CNTN3: variants seen among roughly 807,000 people sequenced by gnomAD.
The protein encoded by CNTN3 is contactin-3.
Under a neutral mutation model 119.1 loss-of-function variants are expected in CNTN3, and 60 were observed. That is an observed-to-expected ratio of 0.50 (90% confidence interval 0.41 to 0.62). CNTN3 has a LOEUF of 0.62. Among genes scored for constraint, CNTN3 ranks in the 20% least tolerant of loss-of-function variants. CNTN3 has a pLI of 0.00. For synonymous variants in CNTN3, 450 were observed against 438.7 expected (o/e 1.03, Z -0.32); for missense variants, 1,101 against 1,242.4 (o/e 0.89, Z 1.71).
rs897276516 is a variant in CNTN3, at chr3:74,595,213, G to A, written c.-81+19178C>T. Among the ~76,000 whole-genome samples the A allele has an allele frequency of 2.6e-5, 4 of 151,656 alleles. No individual in the cohort carries two copies. The South Asian group carries it at 6.3e-4, about 24-fold the overall frequency. On this transcript the variant is annotated intron_variant, in intron 1 of 22. Coordinates refer to ENST00000263665, the MANE Select transcript of CNTN3 (RefSeq NM_020872.3). ...TATTAGCCCTTTGTCAGATGAGTAGGTTGCAAAAATTTTCTCCCATTTTGT... is the reference window on the plus strand; with the variant it reads ...TATTAGCCCTTTGTCAGATGAGTAGATTGCAAAAATTTTCTCCCATTTTGT...
At chr3:74,448,744 T>C (rs1702092980) in intron 4 of CNTN3, among the ~76,000 whole-genome samples, 1 of 152,168 alleles carries the variant, frequency 6.6e-6, no homozygotes, top group African/African-American at 2.4e-5. Flanking sequence ...TTTATGGCTA[T>C]GTTTAATAAA....
At chr3:74,436,462 A>G (rs529442380) in intron 4 of CNTN3, among the ~76,000 whole-genome samples, 20 of 152,270 alleles carry the variant, frequency 1.3e-4, no homozygotes, top group Admixed American at 1.3e-3. Context: ...CAGGGCAAAC[A>G]GAATGCTTGT....
intron 3 of CNTN3, among the ~76,000 whole-genome samples, chr3:74,493,354 T>C (rs147117449): frequency 1.3e-5 from 2 of 152,162 alleles, no homozygotes; most frequent in Non-Finnish European, 2.9e-5. Context: ...AAACCCCAAA[T>C]AGAATTCACC....
At chr3:74,374,843 G>C (rs1309505591) in intron 5 of CNTN3, among the ~76,000 whole-genome samples, 1 of 152,108 alleles carries the variant, frequency 6.6e-6, no homozygotes, top group Non-Finnish European at 1.5e-5. Context: ...AGTGTAATCA[G>C]GCAAATTAGG....
In CNTN3 at chr3:74,523,919, C is replaced by T. The variant is rs1325273488; in HGVS notation, c.-80-2727G>A. On this transcript the variant is annotated intron_variant, in intron 1 of 22. Coordinates refer to ENST00000263665, the MANE Select transcript of CNTN3 (RefSeq NM_020872.3). ...TGGTTGCTCCAATGTTCCAAATACC[C>T]TTTCACAGGAGGCTTTCAAGCAATG... is the stretch of plus-strand genomic sequence containing the variant. 2.0e-5 allele frequency among the ~76,000 whole-genome samples: 3 copies of T among 151,840 alleles called. No individual in the cohort carries two copies. In the East Asian group the frequency reaches 5.9e-4, roughly 30 times the overall value.
Position 74,596,728 on chromosome 3 carries a change from G to T in CNTN3, c.-81+17663C>A, listed in dbSNP as rs375855914. ...ATACCAAAAAACACCTCAAAATACAGTATCAAAATTGAAATCAGTGGGCCT... is the reference window on the plus strand; with the variant it reads ...ATACCAAAAAACACCTCAAAATACATTATCAAAATTGAAATCAGTGGGCCT... On this transcript the variant is annotated intron_variant, in intron 1 of 22. Transcript: ENST00000263665. 2.0e-5 allele frequency among the ~76,000 whole-genome samples: 3 copies of T among 152,014 alleles called. 1 individual carries two copies. Among genetic ancestry groups the T allele is most frequent in the Admixed American group, 2.0e-4 (3 of 15,258 alleles).
intron 13 of CNTN3, 48 bp from the exon 14 acceptor site, chr3:74,302,855 A>T: frequency 7.7e-7 from 1 of 1,304,784 alleles, no homozygotes; most frequent in Non-Finnish European, 1.1e-6. Context: ...TTTAAAAAAC[A>T]CAAAGAAGTT....
At chr3:74,304,706 T>C (rs1488556408) in intron 13 of CNTN3, among the ~76,000 whole-genome samples, 3 of 152,268 alleles carry the variant, frequency 2.0e-5, no homozygotes, top group East Asian at 1.9e-4. Context: ...AATAGCTGCA[T>C]CATAAAAAAT....
At chr3:74,396,513 G>A (rs369161235) in intron 5 of CNTN3, among the ~76,000 whole-genome samples, 3 of 152,076 alleles carry the variant, frequency 2.0e-5, no homozygotes, top group South Asian at 2.1e-4. Context: ...TTGGGAGGCC[G>A]AGGCGGGTGG....
At chr3:74,376,300 A>G (rs1704474410) in intron 5 of CNTN3, among the ~76,000 whole-genome samples, 1 of 152,152 alleles carries the variant, frequency 6.6e-6, no homozygotes, top group Admixed American at 6.5e-5. Context: ...GAACCAGGCC[A>G]CACAGCAGGA....
intron 1 of CNTN3, among the ~76,000 whole-genome samples, chr3:74,606,225 A>C (rs769659370): frequency 1.8e-4 from 27 of 152,146 alleles, no homozygotes; most frequent in Non-Finnish European, 3.1e-4. Context: ...TGGAGGAAGA[A>C]GCAGCAGAGG....
chr3:74,285,226 A>G, intron 20 of CNTN3, 79 bp downstream of exon 20: 3 of 1,416,412 alleles, frequency 2.1e-6, no homozygotes, highest in Middle Eastern at 3.7e-4. Context: ...TGGGTTGTCC[A>G]TTTCAAATAA....
chr3:74,491,646 T>C (rs1009339833), intron 3 of CNTN3, among the ~76,000 whole-genome samples: 42 of 152,192 alleles, frequency 2.8e-4, no homozygotes, highest in Non-Finnish European at 7.3e-5. Flanking sequence ...CTGTCTGGGC[T>C]TCATGAACAC....
chr3:74,558,920 T>C (rs1042144973), intron 1 of CNTN3, among the ~76,000 whole-genome samples: 2 of 151,276 alleles, frequency 1.3e-5, no homozygotes, highest in African/African-American at 2.4e-5. Context: ...GAGGTGGAGG[T>C]TGCAGTGAGC....
intron 20 of CNTN3, among the ~76,000 whole-genome samples, chr3:74,273,354 G>A (rs1178642411): frequency 1.3e-5 from 2 of 152,162 alleles, no homozygotes; most frequent in African/African-American, 2.4e-5. Flanking sequence ...AGTGTGTGGA[G>A]GCTTGCATTG....
At chr3:74,513,504 T>C (rs1199834216) in intron 2 of CNTN3, among the ~76,000 whole-genome samples, 1 of 152,038 alleles carries the variant, frequency 6.6e-6, no homozygotes, top group East Asian at 1.9e-4. Flanking sequence ...TAGAAAGCTG[T>C]CCAGATAAAG....
intron 4 of CNTN3, among the ~76,000 whole-genome samples, chr3:74,477,228 T>A (rs1187440406): frequency 1.3e-5 from 2 of 152,284 alleles, no homozygotes; most frequent in Non-Finnish European, 1.5e-5. Context: ...CCTTAGAGGT[T>A]TAGAATCTGC....
At chr3:74,273,961 G>C (rs1215366940) in intron 20 of CNTN3, among the ~76,000 whole-genome samples, 3 of 152,104 alleles carry the variant, frequency 2.0e-5, no homozygotes, top group African/African-American at 7.2e-5. Flanking sequence ...CTTTTTTGCT[G>C]TCAGTGGGGG....
At chr3:74,362,178 T>G in intron 10 of CNTN3, 138 bp from the exon 11 acceptor site, 1 of 796,910 alleles carries the variant, frequency 1.3e-6, no homozygotes, top group Middle Eastern at 3.8e-4. Context: ...GCTTATTGTG[T>G]GCCACACACA....
Sources: allele counts gnomAD v4.1 joint callset (sites outside exome capture counted in the v4.1 genomes callset), GRCh38; gene constraint gnomAD v4.1.1; transcripts MANE v1.5; gene names NCBI Gene and HGNC (gene_info 2026-07-23, HGNC 2026-07-21).